Variants in KIRREL3 observed in about 807,000 individuals in gnomAD.
The protein encoded by KIRREL3 is kin of IRRE-like protein 3.
KIRREL3 carries 36 observed loss-of-function variants against 89.7 expected under a neutral mutation model. That is an observed-to-expected ratio of 0.40 (90% CI 0.31 to 0.53). The LOEUF (loss-of-function observed/expected upper bound fraction) is 0.53. KIRREL3 is among the 20% of genes least tolerant of loss of function. The pLI, the probability that KIRREL3 is intolerant of heterozygous loss-of-function variation, is 0.49. For missense variants in KIRREL3, 864 were observed against 1,056.6 expected, an observed-to-expected ratio of 0.82 and a Z score of 2.53; for synonymous variants, 445 against 441.4, an observed-to-expected ratio of 1.01 and a Z score of -0.10.
intron 1 of KIRREL3, among the ~76,000 whole-genome samples, chr11:126,733,427 A>G (rs1189555394): frequency 6.6e-6 from 1 of 152,208 alleles, no homozygotes; most frequent in African/African-American, 2.4e-5. Flanking sequence ...GAAAGGATGC[A>G]ATGCGCTGGG....
intron 1 of KIRREL3, among the ~76,000 whole-genome samples, chr11:126,695,233 T>C (rs1345046207): frequency 6.6e-6 from 1 of 152,130 alleles, no homozygotes; most frequent in Non-Finnish European, 1.5e-5. Flanking sequence ...CTCTTATCTG[T>C]GTGATCAGAA....
rs1032828835 is a variant in KIRREL3, at chr11:126,652,686, A to G, written c.56-89774T>C. On this transcript the variant is annotated intron_variant, in intron 1 of 16. Coordinates refer to ENST00000525144, the MANE Select transcript of KIRREL3 (RefSeq NM_032531.4). This position sits in a 1 kb window ranked among gnomAD's most constrained non-coding sequence, Gnocchi z 4.9. ...AATCCCCACAGTCTCCCAAACATCA[A>G]TGCTGTCATTACAACCCCATCACCT... is the stretch of plus-strand genomic sequence containing the variant. 4.6e-5 allele frequency among the ~76,000 whole-genome samples: 7 copies of G among 152,036 alleles called. No individual in the cohort carries two copies. Among genetic ancestry groups the G allele is most frequent in the African/African-American group, 1.7e-4 (7 of 41,366 alleles).
At position 126,652,595 on chromosome 11, in the gene KIRREL3, C is replaced by T. The variant is rs1179380544; in HGVS notation, c.56-89683G>A. Among the ~76,000 whole-genome samples the T allele has an allele frequency of 1.3e-5, 2 of 152,164 alleles. No individual in the cohort carries two copies. Among genetic ancestry groups the T allele is most frequent in the Non-Finnish European group, 2.9e-5 (2 of 68,024 alleles). ...TCCACTCAATCTATAGGTAGCGGGG[C>T]TGGGTTCCTAAGGATGTCTGATTCT... On this transcript the variant is annotated intron_variant, in intron 1 of 16. Transcript: ENST00000525144. This position sits in a 1 kb window ranked among gnomAD's most constrained non-coding sequence, Gnocchi z 4.9.
chr11:126,439,933 A>G (rs576540605), intron 11 of KIRREL3, among the ~76,000 whole-genome samples: 2 of 152,142 alleles, frequency 1.3e-5, no homozygotes, highest in African/African-American at 2.4e-5. Flanking sequence ...CATTGCAGGG[A>G]TAAGTTCTTT....
intron 1 of KIRREL3, among the ~76,000 whole-genome samples, chr11:126,851,216 T>C (rs1370618319): frequency 3.3e-5 from 5 of 152,348 alleles, no homozygotes; most frequent in Non-Finnish European, 4.4e-5. Context: ...ACATAGTGAA[T>C]GAAAGAGCCA....
At chr11:126,855,379 C>T (rs1260771267) in intron 1 of KIRREL3, among the ~76,000 whole-genome samples, 2 of 152,180 alleles carry the variant, frequency 1.3e-5, no homozygotes. Context: ...TAAGACGTGC[C>T]TACTTTCCCT....
rs1156324998 is a variant in KIRREL3 at position 126,812,229 on chromosome 11, T to C, written c.55+188226A>G. Among the ~76,000 whole-genome samples, 3 of 152,164 alleles carry C rather than the reference T, an allele frequency of 2.0e-5. No individual in the cohort carries two copies. Among genetic ancestry groups the C allele is most frequent in the Non-Finnish European group, 4.4e-5 (3 of 68,028 alleles). On this transcript the variant is annotated intron_variant, in intron 1 of 16. Transcript: ENST00000525144. The surrounding 1 kb of genome is among the most constrained non-coding windows in gnomAD (Gnocchi z 5.2). ...CATTAATTTCCTTACTTTGGAACTT[T>C]GGGGTCCTTAGGATAGCGCTGTGTA...
chr11:126,663,594 C>A (rs761283372), intron 1 of KIRREL3, among the ~76,000 whole-genome samples: 12 of 152,182 alleles, frequency 7.9e-5, no homozygotes, highest in Non-Finnish European at 1.8e-4. Flanking sequence ...CTCATGGAAG[C>A]GTATGCTTCT....
chr11:126,507,595 C>T (rs749671456), intron 4 of KIRREL3, among the ~76,000 whole-genome samples: 6 of 152,198 alleles, frequency 3.9e-5, no homozygotes, highest in South Asian at 4.1e-4. Context: ...CTGTTTTCAT[C>T]GCTAATGTAT....
At chr11:126,888,068 G>A (rs1945768673) in intron 1 of KIRREL3, among the ~76,000 whole-genome samples, 1 of 152,226 alleles carries the variant, frequency 6.6e-6, no homozygotes, top group African/African-American at 2.4e-5. Context: ...GTATCAAGGG[G>A]AGGACTGAAA....
intron 1 of KIRREL3, among the ~76,000 whole-genome samples, chr11:126,963,800 A>G (rs1789250798): frequency 6.6e-6 from 1 of 152,158 alleles, no homozygotes; most frequent in African/African-American, 2.4e-5. Context: ...TTACTTCAAC[A>G]TGTCTGGAGA....
rs551563651 is a variant in KIRREL3 at position 126,744,271 on chromosome 11, A to G, written c.56-181359T>C. On this transcript the variant is annotated intron_variant, in intron 1 of 16. Coordinates refer to ENST00000525144, the MANE Select transcript of KIRREL3 (RefSeq NM_032531.4). This position sits in a 1 kb window ranked among gnomAD's most constrained non-coding sequence, Gnocchi z 4.7. ...TTTTTTTATGGGTGGAAAGCCTTTG[A>G]TAAGCATTTGTTGAATCAATGACTG... is the stretch of plus-strand genomic sequence containing the variant. Among the ~76,000 whole-genome samples the G allele has an allele frequency of 1.6e-4, 24 of 151,510 alleles. No homozygotes were observed. Among genetic ancestry groups the G allele is most frequent in the African/African-American group, 3.9e-4 (16 of 41,314 alleles).
intron 1 of KIRREL3, among the ~76,000 whole-genome samples, chr11:126,914,961 G>C (rs561607339): frequency 6.6e-6 from 1 of 152,278 alleles, no homozygotes; most frequent in East Asian, 1.9e-4. Context: ...CAAACAACTT[G>C]GCAGATGATG....
chr11:126,798,961 G>A (rs1456164836), intron 1 of KIRREL3, among the ~76,000 whole-genome samples: 17 of 152,260 alleles, frequency 1.1e-4, no homozygotes, highest in African/African-American at 2.9e-4. Flanking sequence ...GGACACACAC[G>A]AAAGGACTTA....
Position 126,535,783 on chromosome 11 carries a change from G to A in KIRREL3, c.134-9096C>T, listed in dbSNP as rs754086520. 3.9e-5 allele frequency among the ~76,000 whole-genome samples: 6 copies of A among 152,186 alleles called. No individual in the cohort carries two copies. The highest frequency in any genetic ancestry group is 7.2e-5 in the African/African-American group (3 of 41,430). ...GTGGATCACCTGAGGTCAGGGGTTCGAGACCAGCCTGACCAACATGGTGAA... is the reference window on the plus strand; with the variant it reads ...GTGGATCACCTGAGGTCAGGGGTTCAAGACCAGCCTGACCAACATGGTGAA... On this transcript the variant is annotated intron_variant, in intron 2 of 16. Coordinates refer to ENST00000525144, the MANE Select transcript of KIRREL3 (RefSeq NM_032531.4). This position sits in a 1 kb window ranked among gnomAD's most constrained non-coding sequence, Gnocchi z 4.5.
At chr11:126,751,137 G>A (rs944214361) in intron 1 of KIRREL3, among the ~76,000 whole-genome samples, 6 of 152,134 alleles carry the variant, frequency 3.9e-5, no homozygotes, top group Admixed American at 6.5e-5. Context: ...ACACACTGTC[G>A]GAATGCATCC....
intron 1 of KIRREL3, among the ~76,000 whole-genome samples, chr11:126,803,931 G>A (rs1438726139): frequency 3.3e-5 from 5 of 152,216 alleles, no homozygotes; most frequent in Non-Finnish European, 7.3e-5. Context: ...GCCCTTTGTG[G>A]TCAGACATAG....
intron 1 of KIRREL3, among the ~76,000 whole-genome samples, chr11:126,911,393 G>A (rs1296268525): frequency 6.6e-6 from 1 of 152,200 alleles, no homozygotes; most frequent in Non-Finnish European, 1.5e-5. Flanking sequence ...GCATCTGCTG[G>A]TGAAGTCTCC....
At position 126,473,431 on chromosome 11, in the gene KIRREL3, C is replaced by T. The variant is rs1956979466; in HGVS notation, c.469G>A (p.Val157Met). Reference protein sequence around the residue: ...PDDPVILGGPVISLRAGDPLN... With the variant: ...PDDPVILGGPMISLRAGDPLN... The stretch of plus-strand genomic sequence containing the variant: ...GGGTCCCCCGCACGCAGGCTGATCA[C>T]AGGGCCCCCCAGGATGACGGGGTCA... The change falls in exon 5 of 17, where the codon GTG becomes ATG. Residue 157 changes from valine (V) to methionine (M), a missense_variant. By Grantham distance (21) the Val-to-Met change is conservative. Coordinates refer to ENST00000525144, the MANE Select transcript of KIRREL3 (RefSeq NM_032531.4). 2 of 1,574,922 alleles carry T rather than the reference C, an allele frequency of 1.3e-6. No individual in the cohort carries two copies. Among genetic ancestry groups the T allele is most frequent in the Admixed American group, 1.7e-5 (1 of 58,458 alleles).
Sources: gnomAD v4.1 joint callset for allele counts (sites outside exome capture counted in the v4.1 genomes callset) on GRCh38, gnomAD v4.1.1 for gene constraint, Gnocchi (gnomAD v3.1) non-coding constraint, MANE v1.5 for transcripts, NCBI Gene and HGNC (gene_info 2026-07-23, HGNC 2026-07-21) for gene names.